RIC1: variants seen among roughly 807,000 people sequenced by gnomAD.
RIC1 encodes the protein guanine nucleotide exchange factor subunit RIC1.
Under a neutral mutation model 169.0 loss-of-function variants are expected in RIC1, and 88 were observed. The ratio of observed to expected loss-of-function variants is 0.52; its 90% CI spans 0.44 to 0.62. The LOEUF is 0.62. Among genes scored for constraint, RIC1 ranks in the 20% least tolerant of loss-of-function variants. The probability of loss-of-function intolerance (pLI) is 0.00; values close to 1 mark genes in which losing one functional copy is unlikely to be tolerated. For missense variants in RIC1, 1,877 were observed against 1,725.5 expected, an observed-to-expected ratio of 1.09 and a Z score of -1.56; for synonymous variants, 790 against 601.5, an observed-to-expected ratio of 1.31 and a Z score of -4.59.
At chr9:5,777,265 C>G (rs1480922544), downstream of RIC1, among the ~76,000 whole-genome samples, 1 of 150,850 alleles carries the variant, frequency 6.6e-6, no homozygotes, top group East Asian at 1.9e-4. Flanking sequence ...ACTATTTCTT[C>G]ATTCTGTGGG....
At chr9:5,738,190 T>A (rs559203689) in intron 7 of RIC1, among the ~76,000 whole-genome samples, 6 of 152,320 alleles carry the variant, frequency 3.9e-5, no homozygotes, top group African/African-American at 1.4e-4. Context: ...TTTCCTTTTT[T>A]AAAAATTATC....
chr9:5,635,333 C>A (rs931949356), intron 1 of RIC1, among the ~76,000 whole-genome samples: 11 of 152,084 alleles, frequency 7.2e-5, no homozygotes, highest in Non-Finnish European at 1.5e-4. Flanking sequence ...CTTCCCCCTC[C>A]GTCTTTAATC....
intron 1 of RIC1, among the ~76,000 whole-genome samples, chr9:5,650,873 T>A (rs756881459): frequency 2.0e-5 from 3 of 152,278 alleles, no homozygotes; most frequent in Non-Finnish European, 4.4e-5. Flanking sequence ...TGGGTCCAAG[T>A]GGCATTGCAT....
intron 1 of RIC1, among the ~76,000 whole-genome samples, chr9:5,632,678 A>G (rs1247653649): frequency 6.6e-6 from 1 of 152,134 alleles, no homozygotes; most frequent in Non-Finnish European, 1.5e-5. Context: ...TGCTAAGGTT[A>G]TTGTAAAAGG....
Position 5,713,878 on chromosome 9 carries a change from CTA to C in RIC1, c.333-16_333-15del. On this transcript the variant is annotated splice_polypyrimidine_tract_variant and intron_variant, in intron 3 of 25. Coordinates refer to ENST00000414202, the MANE Select transcript of RIC1 (RefSeq NM_020829.4). ...GCAAATTCAGCATCTTTCTTTAACT[CTA>C]TGCTGTTTGTTTTAGAGGAAGTCCA... 1.3e-6 allele frequency: 2 copies of C among 1,563,778 alleles called. No homozygotes were observed. The highest frequency in any genetic ancestry group is 1.8e-6 in the Non-Finnish European group (2 of 1,135,054).
intron 2 of RIC1, among the ~76,000 whole-genome samples, chr9:5,683,950 C>T (rs566403516): frequency 1.9e-4 from 29 of 152,272 alleles, no homozygotes; most frequent in South Asian, 2.1e-4. Context: ...GAGCCAGGTG[C>T]GGGATATAAT....
chr9:5,695,622 G>A lies in RIC1; in HGVS notation c.332+5584G>A, dbSNP rs977799811. ...GAGTCTCGCTCTGTCGCCTGTGCTG[G>A]AGTGCAGTGGCGTGATCTTGGCTCC... On this transcript the variant is annotated intron_variant, in intron 3 of 25. Transcript: ENST00000414202. Among the ~76,000 whole-genome samples the A allele has an allele frequency of 2.7e-5, 4 of 149,146 alleles. 1 individual carries two copies. The South Asian group carries it at 8.5e-4, about 32-fold the overall frequency.
At chr9:5,704,592 A>G (rs1048835031) in intron 3 of RIC1, among the ~76,000 whole-genome samples, 1 of 152,120 alleles carries the variant, frequency 6.6e-6, no homozygotes, top group Non-Finnish European at 1.5e-5. Flanking sequence ...TCCTTTTAAG[A>G]TACATGATTT....
intron 7 of RIC1, among the ~76,000 whole-genome samples, chr9:5,734,993 C>G (rs1004194405): frequency 6.6e-6 from 1 of 151,984 alleles, no homozygotes. Context: ...GCAAATTAAC[C>G]CAGTTGCCAC....
intron 2 of RIC1, among the ~76,000 whole-genome samples, chr9:5,674,509 C>G (rs896410206): frequency 7.9e-5 from 12 of 152,060 alleles, no homozygotes; most frequent in Non-Finnish European, 1.8e-4. Context: ...ACTCAGGACC[C>G]CAATTCACCA....
chr9:5,675,078 C>A (rs554754296), intron 2 of RIC1, among the ~76,000 whole-genome samples: 1 of 152,300 alleles, frequency 6.6e-6, no homozygotes, highest in South Asian at 2.1e-4. Flanking sequence ...CACACTTGGA[C>A]AAGGGAGGGG....
chr9:5,666,625 T>G lies in RIC1; in HGVS notation c.252+9935T>G, dbSNP rs75713705. ...GTTAAATTTTGTCAAATGCTCTCTTTGCGTCAATTGAGAAACGTGGATTTT... is the reference window on the plus strand; with the variant it reads ...GTTAAATTTTGTCAAATGCTCTCTTGGCGTCAATTGAGAAACGTGGATTTT... On this transcript the variant is annotated intron_variant, in intron 2 of 25. Coordinates refer to ENST00000414202, the MANE Select transcript of RIC1 (RefSeq NM_020829.4). Among the ~76,000 whole-genome samples, 944 of 152,346 alleles carry G rather than the reference T, an allele frequency of 6.2e-3. 5 individuals carry two copies. The highest frequency in any genetic ancestry group is 0.011 in the Non-Finnish European group (757 of 68,020).
At chr9:5,769,541 A>C in intron 22 of RIC1, 3 of 1,065,282 alleles carry the variant, frequency 2.8e-6, no homozygotes, top group South Asian at 1.7e-5. Flanking sequence ...AAAAGCTACC[A>C]TGCTTATGTT....
intron 4 of RIC1, among the ~76,000 whole-genome samples, chr9:5,714,862 T>A (rs1439458508): frequency 2.0e-5 from 3 of 152,204 alleles, no homozygotes; most frequent in Non-Finnish European, 2.9e-5. Flanking sequence ...TACTCTTTTT[T>A]AATATTGAAC....
intron 15 of RIC1, 27 bp downstream of exon 15, chr9:5,754,957 G>T: frequency 4.3e-6 from 6 of 1,381,704 alleles, no homozygotes; most frequent in Non-Finnish European, 5.0e-6. Flanking sequence ...AGAAATAACA[G>T]ATTTTTATAT....
intron 15 of RIC1, among the ~76,000 whole-genome samples, chr9:5,755,809 G>C (rs565282428): frequency 1.3e-5 from 2 of 152,210 alleles, no homozygotes; most frequent in South Asian, 4.2e-4. Flanking sequence ...TGTAATCCCA[G>C]CTACTTGGGA....
chr9:5,712,949 T>A (rs1279380966), intron 3 of RIC1: 3 of 151,980 alleles, frequency 2.0e-5, no homozygotes, highest in Non-Finnish European at 2.9e-5. Flanking sequence ...CAAAACTTTA[T>A]AAGAAAAATA....
At chr9:5,679,230 TTGG>T (rs1302537574) in intron 2 of RIC1, among the ~76,000 whole-genome samples, 1 of 151,914 alleles carries the variant, frequency 6.6e-6, no homozygotes, top group Non-Finnish European at 1.5e-5. Flanking sequence ...CAGTACTGTT[TTGG>T]TTACTATAGC....
intron 2 of RIC1, among the ~76,000 whole-genome samples, chr9:5,686,642 G>A (rs75414745): frequency 0.031 from 3,738 of 122,076 alleles, 70 homozygotes; most frequent in Admixed American, 0.056. Flanking sequence ...TGGGGGGAGG[G>A]GGGAGGGATA....
Sources: gnomAD v4.1 joint callset for allele counts (sites outside exome capture counted in the v4.1 genomes callset) on GRCh38, gnomAD v4.1.1 for gene constraint, MANE v1.5 for transcripts, NCBI Gene and HGNC (gene_info 2026-07-23, HGNC 2026-07-21) for gene names.